The following EEIG2 variants were observed in gnomAD, a reference collection of about 807,000 sequenced individuals.
EEIG2 encodes the protein EEIG family member 2.
At chr1:108,637,668 A>G in the EEIG2 span, 3 of 152,170 alleles carry the variant, frequency 2.0e-5, no homozygotes, top group Non-Finnish European at 4.4e-5. Context: ...TGTCTTTTCT[A>G]TCTCCATGCC....
chr1:108,570,203 T>G, the EEIG2 span, among the ~76,000 whole-genome samples: 1 of 152,112 alleles, frequency 6.6e-6, no homozygotes, highest in Admixed American at 6.6e-5. Flanking sequence ...TTAGCAGGGT[T>G]TTTTTAAAAG....
chr1:108,584,644 A>C, the EEIG2 span, among the ~76,000 whole-genome samples: 8 of 152,172 alleles, frequency 5.3e-5, no homozygotes, highest in Non-Finnish European at 1.2e-4. Flanking sequence ...AGTTTCTGAG[A>C]ATTCTCTAGT....
At chr1:108,601,069 G>A in the EEIG2 span, among the ~76,000 whole-genome samples, 17 of 151,910 alleles carry the variant, frequency 1.1e-4, no homozygotes, top group Admixed American at 9.8e-4. Flanking sequence ...CCATTTTCAG[G>A]AAAACCAGGG....
the EEIG2 span, among the ~76,000 whole-genome samples, chr1:108,598,881 A>C: frequency 6.6e-6 from 1 of 152,100 alleles, no homozygotes; most frequent in Non-Finnish European, 1.5e-5. Flanking sequence ...TAATCCTAGC[A>C]CTTTGGGAGG....
the EEIG2 span, among the ~76,000 whole-genome samples, chr1:108,613,520 C>T: frequency 2.6e-5 from 4 of 152,220 alleles, no homozygotes; most frequent in Admixed American, 6.5e-5. Flanking sequence ...TTTCAGACCC[C>T]CACTTTCCTA....
the EEIG2 span, chr1:108,625,274 C>A: frequency 1.3e-5 from 2 of 152,268 alleles, no homozygotes; most frequent in Non-Finnish European, 1.5e-5. Flanking sequence ...TAGTCCCTGA[C>A]CACACCTTGA....
At chr1:108,563,187 A>C in the EEIG2 span, among the ~76,000 whole-genome samples, 59 of 152,306 alleles carry the variant, frequency 3.9e-4, 1 homozygote. Flanking sequence ...ACTTTACGTA[A>C]ATGATAAGAG....
the EEIG2 span, among the ~76,000 whole-genome samples, chr1:108,613,695 G>A: frequency 5.9e-5 from 9 of 151,944 alleles, no homozygotes; most frequent in Middle Eastern, 3.2e-3. Flanking sequence ...CTTAGGTACC[G>A]TCTCGCTCCT....
At chr1:108,632,044 G>C in the EEIG2 span, among the ~76,000 whole-genome samples, 1 of 150,206 alleles carries the variant, frequency 6.7e-6, no homozygotes, top group East Asian at 2.0e-4. Context: ...AACCCAGGAG[G>C]TGGAGGCTGC....
chr1:108,617,752 G>C, the EEIG2 span, among the ~76,000 whole-genome samples: 1 of 152,198 alleles, frequency 6.6e-6, no homozygotes, highest in African/African-American at 2.4e-5. Flanking sequence ...CCACCAGTGT[G>C]ATCAGAGGAG....
chr1:108,615,500 C>T, the EEIG2 span, among the ~76,000 whole-genome samples: 2 of 151,766 alleles, frequency 1.3e-5, no homozygotes, highest in Non-Finnish European at 2.9e-5. Context: ...CCTGGTTGGG[C>T]ACAGTGACTC....
chr1:108,563,167 A>G, the EEIG2 span, among the ~76,000 whole-genome samples: 1 of 152,222 alleles, frequency 6.6e-6, no homozygotes, highest in Non-Finnish European at 1.5e-5. Context: ...GGTTCCATAC[A>G]TGATACAAAA....
the EEIG2 span, among the ~76,000 whole-genome samples, chr1:108,607,078 C>T: frequency 5.9e-5 from 9 of 152,176 alleles, no homozygotes; most frequent in African/African-American, 2.2e-4. Context: ...GAGATTTTTC[C>T]TATGTTACAA....
At chr1:108,560,268 C>T in the EEIG2 span, 2 of 274,276 alleles carry the variant, frequency 7.3e-6, no homozygotes, top group Non-Finnish European at 1.1e-5. Context: ...CGAGAGGCGG[C>T]GGCAGCGGCC....
At chr1:108,595,481 T>G in the EEIG2 span, among the ~76,000 whole-genome samples, 3 of 97,088 alleles carry the variant, frequency 3.1e-5, no homozygotes, top group Non-Finnish European at 4.0e-5. Context: ...AGGGGGGAAA[T>G]GTAGCAAGTT....
At chr1:108,571,073 A>T in the EEIG2 span, among the ~76,000 whole-genome samples, 1 of 152,212 alleles carries the variant, frequency 6.6e-6, no homozygotes, top group African/African-American at 2.4e-5. Flanking sequence ...TGTTTGCATG[A>T]TATTACGATA....
chr1:108,584,718 A>G, the EEIG2 span, among the ~76,000 whole-genome samples: 1 of 152,120 alleles, frequency 6.6e-6, no homozygotes, highest in Non-Finnish European at 1.5e-5. Context: ...AGGCCAGTTC[A>G]GGTTACCATA....
At chr1:108,607,464 T>C in the EEIG2 span, among the ~76,000 whole-genome samples, 1 of 152,182 alleles carries the variant, frequency 6.6e-6, no homozygotes, top group Non-Finnish European at 1.5e-5. Context: ...AATCTAACAA[T>C]GAGCTAGGGT....
chr1:108,620,543 TGTG>T, the EEIG2 span, among the ~76,000 whole-genome samples: 2 of 152,168 alleles, frequency 1.3e-5, no homozygotes, highest in Admixed American at 6.6e-5. Context: ...CATTTGGGAA[TGTG>T]GTGGCAAAGC....
Sources: gnomAD v4.1 joint callset for allele counts (sites outside exome capture counted in the v4.1 genomes callset) on GRCh38, gnomAD v4.1.1 for gene constraint, MANE v1.5 for transcripts, NCBI Gene and HGNC (gene_info 2026-07-23, HGNC 2026-07-21) for gene names.